Variants in APBB2 observed in about 807,000 individuals in gnomAD.
The protein encoded by APBB2 is Fe65-like 1.
In APBB2, 38 loss-of-function variants were observed where a neutral mutation model predicts 82.5. The observed-to-expected ratio is 0.46, with a 90% CI of 0.36 to 0.60. The LOEUF (loss-of-function observed/expected upper bound fraction) is 0.60, where lower values mean the gene tolerates loss of function less well. Among genes scored for constraint, APBB2 ranks in the 20% least tolerant of loss-of-function variants. APBB2 has a pLI of 0.00. For missense variants in APBB2, 772 were observed against 972.3 expected (o/e 0.79, Z 2.74); for synonymous variants, 341 against 368.2 (o/e 0.93, Z 0.85).
intron 6 of APBB2, among the ~76,000 whole-genome samples, chr4:41,001,607 G>A (rs897380681): frequency 6.6e-6 from 1 of 152,224 alleles, no homozygotes; most frequent in South Asian, 2.1e-4. Flanking sequence ...GCTGGGCGTG[G>A]TGGCTCACGC....
chr4:41,113,363 T>G (rs1032021914), intron 2 of APBB2, among the ~76,000 whole-genome samples: 10 of 152,158 alleles, frequency 6.6e-5, no homozygotes, highest in African/African-American at 2.2e-4. Context: ...ATAGCTGGAA[T>G]TTTAGATTTA....
intron 12 of APBB2, among the ~76,000 whole-genome samples, chr4:40,831,646 G>A (rs1370844507): frequency 6.6e-6 from 1 of 152,124 alleles, no homozygotes; most frequent in Non-Finnish European, 1.5e-5. Context: ...ACAAACAATG[G>A]ACCAGCCCAC....
At chr4:40,956,672 T>C (rs1315956296) in intron 6 of APBB2, among the ~76,000 whole-genome samples, 1 of 152,158 alleles carries the variant, frequency 6.6e-6, no homozygotes, top group Non-Finnish European at 1.5e-5. Flanking sequence ...CTAACACCTT[T>C]CCCCATATTT....
rs188233513 is a variant in APBB2 at position 40,858,409 on chromosome 4, C to T, written c.1530-27832G>A. On this transcript the variant is annotated intron_variant, in intron 12 of 17. Coordinates refer to ENST00000508593, the MANE Select transcript of APBB2 (RefSeq NM_004307.2). The stretch of plus-strand genomic sequence containing the variant: ...GGTGGAGGTTGCAGTGAGCCAAGAT[C>T]GCGCCACTGCACTCCAGCCTGAGTG... 5.4e-3 allele frequency among the ~76,000 whole-genome samples: 731 copies of T among 136,230 alleles called. 20 individuals are homozygous for T. In the Admixed American group the frequency reaches 0.054, roughly 10 times the overall value. The allele number at this position is 136,230 out of a possible 152,430, so 89.4% of individuals were successfully genotyped here.
chr4:40,901,778 G>A (rs1468127947), intron 10 of APBB2, among the ~76,000 whole-genome samples: 1 of 152,146 alleles, frequency 6.6e-6, no homozygotes, highest in African/African-American at 2.4e-5. Flanking sequence ...GCCTCCCAAA[G>A]TGCTGGGATT....
At chr4:40,999,297 A>C (rs1193604023) in intron 6 of APBB2, among the ~76,000 whole-genome samples, 3 of 152,120 alleles carry the variant, frequency 2.0e-5, no homozygotes, top group Non-Finnish European at 4.4e-5. Context: ...ATTAAAAAAC[A>C]GCCAGGTCTG....
intron 3 of APBB2, among the ~76,000 whole-genome samples, chr4:41,097,541 CATTATTT>C (rs1385971005): frequency 8.5e-5 from 13 of 152,134 alleles, no homozygotes; most frequent in African/African-American, 2.9e-4. Flanking sequence ...CATGGATATG[CATTATTT>C]ATTATTAAGT....
At chr4:40,931,082 AG>A (rs1430093215) in intron 10 of APBB2, among the ~76,000 whole-genome samples, 1 of 151,704 alleles carries the variant, frequency 6.6e-6, no homozygotes, top group Non-Finnish European at 1.5e-5. Flanking sequence ...TTTTCGGGGG[AG>A]GGGACCACTT....
rs114535774 is a variant in APBB2, at chr4:41,088,469, T to C, written c.-149+12170A>G. The stretch of plus-strand genomic sequence containing the variant: ...CCATCGCAGCCCTGTGGAAAGGGGT[T>C]AGGATCTGCGCTGTGAGAGGTGGAT... On this transcript the variant is annotated intron_variant, in intron 3 of 17. Coordinates refer to ENST00000508593, the MANE Select transcript of APBB2 (RefSeq NM_004307.2). 7.0e-3 allele frequency among the ~76,000 whole-genome samples: 1,065 copies of C among 152,354 alleles called. 12 individuals are homozygous for C. The highest frequency in any genetic ancestry group is 0.025 in the African/African-American group (1,019 of 41,590).
At chr4:40,984,130 T>C (rs1799805259) in intron 6 of APBB2, among the ~76,000 whole-genome samples, 1 of 151,868 alleles carries the variant, frequency 6.6e-6, no homozygotes, top group Admixed American at 6.6e-5. Context: ...CCGGATGAGG[T>C]TTGGAAGCTG....
intron 4 of APBB2, among the ~76,000 whole-genome samples, chr4:41,035,950 G>T (rs34477359): frequency 6.6e-6 from 1 of 152,144 alleles, no homozygotes; most frequent in Non-Finnish European, 1.5e-5. Flanking sequence ...CCTGAGCCCA[G>T]GAGTTTGAGA....
chr4:40,986,011 A>C (rs1800326709), intron 6 of APBB2, among the ~76,000 whole-genome samples: 1 of 152,202 alleles, frequency 6.6e-6, no homozygotes, highest in East Asian at 1.9e-4. Flanking sequence ...GAAGTTTTGT[A>C]AGGGCTCCTA....
intron 3 of APBB2, among the ~76,000 whole-genome samples, chr4:41,097,301 G>C (rs555601090): frequency 6.6e-6 from 1 of 152,294 alleles, no homozygotes; most frequent in South Asian, 2.1e-4. Context: ...CACATATTCA[G>C]ACCCATGAGC....
chr4:41,037,431 G>A (rs1422380417), intron 4 of APBB2, among the ~76,000 whole-genome samples: 24 of 152,144 alleles, frequency 1.6e-4, no homozygotes, highest in South Asian at 6.2e-4. Flanking sequence ...AATACATAGC[G>A]TATATTAAAA....
chr4:41,110,241 T>C (rs926558559), intron 2 of APBB2, among the ~76,000 whole-genome samples: 42 of 152,206 alleles, frequency 2.8e-4, no homozygotes, highest in African/African-American at 7.5e-4. Context: ...AGGCACTTAG[T>C]GTTTACTGAG....
At chr4:41,117,751 C>T (rs568954629) in intron 2 of APBB2, among the ~76,000 whole-genome samples, 202 of 152,250 alleles carry the variant, frequency 1.3e-3, no homozygotes, top group African/African-American at 4.7e-3. Context: ...GTCATTTGCA[C>T]CATGGCTTGA....
chr4:40,944,340 G>A (rs1023045147), intron 7 of APBB2, among the ~76,000 whole-genome samples: 16 of 152,080 alleles, frequency 1.1e-4, no homozygotes, highest in South Asian at 2.1e-4. Flanking sequence ...GCTGTTAATC[G>A]TTTCTAAAAT....
chr4:41,208,065 G>A (rs928367404), intron 1 of APBB2, among the ~76,000 whole-genome samples: 1 of 152,148 alleles, frequency 6.6e-6, no homozygotes, highest in Non-Finnish European at 1.5e-5. Flanking sequence ...GCATATAGGA[G>A]ATACTCATTT....
chr4:41,059,714 T>C (rs1426964441), intron 4 of APBB2, among the ~76,000 whole-genome samples: 2 of 152,274 alleles, frequency 1.3e-5, no homozygotes, highest in South Asian at 4.1e-4. Context: ...ATTTATTATT[T>C]ATAGAAACAA....
Sources: gnomAD v4.1 joint callset for allele counts (sites outside exome capture counted in the v4.1 genomes callset) on GRCh38, gnomAD v4.1.1 for gene constraint, MANE v1.5 for transcripts, NCBI Gene and HGNC (gene_info 2026-07-23, HGNC 2026-07-21) for gene names.